Variants in ADRA1B observed in about 807,000 individuals in gnomAD.
ADRA1B encodes the protein adrenoceptor alpha 1B.
In ADRA1B, 17 loss-of-function variants were observed where a neutral mutation model predicts 17.9. That is an observed-to-expected ratio of 0.95 (90% CI 0.65 to 1.42). The LOEUF is 1.42. ADRA1B is among the 40% of genes most tolerant of loss of function. ADRA1B has a pLI of 0.00. For missense variants in ADRA1B, 681 were observed against 722.1 expected, an observed-to-expected ratio of 0.94 and a Z score of 0.65; for synonymous variants, 366 against 327.6, an observed-to-expected ratio of 1.12 and a Z score of -1.27.
At chr5:159,896,979 A>C (rs910480485) in intron 1 of ADRA1B, among the ~76,000 whole-genome samples, 1 of 152,226 alleles carries the variant, frequency 6.6e-6, no homozygotes, top group African/African-American at 2.4e-5. Flanking sequence ...AGACAATGGA[A>C]AAATAGCCTG....
At chr5:159,873,740 C>T (rs915720708) in intron 1 of ADRA1B, among the ~76,000 whole-genome samples, 5 of 152,146 alleles carry the variant, frequency 3.3e-5, no homozygotes, top group African/African-American at 1.2e-4. Flanking sequence ...GAGGTGGTTT[C>T]ACCTCCTTCC....
chr5:159,958,340 A>G (rs1755604079), intron 1 of ADRA1B, among the ~76,000 whole-genome samples: 1 of 152,158 alleles, frequency 6.6e-6, no homozygotes, highest in Non-Finnish European at 1.5e-5. Context: ...TTTTCCCACA[A>G]GCATTGAAAT....
At chr5:159,979,424 T>C in the ADRA1B span, among the ~76,000 whole-genome samples, 3 of 152,216 alleles carry the variant, frequency 2.0e-5, no homozygotes, top group East Asian at 5.8e-4. Context: ...TTTAGTACAG[T>C]ACCTGGCACA....
chr5:159,943,319 T>G (rs2113237118), intron 1 of ADRA1B, among the ~76,000 whole-genome samples: 1 of 152,344 alleles, frequency 6.6e-6, no homozygotes, highest in African/African-American at 2.4e-5. Context: ...TATTATAAAC[T>G]ACCTAACTAT....
chr5:159,922,850 C>T (rs1754526979), intron 1 of ADRA1B, among the ~76,000 whole-genome samples: 1 of 152,202 alleles, frequency 6.6e-6, no homozygotes, highest in Admixed American at 6.5e-5. Context: ...GAATTTGGCT[C>T]TAGTAGGGAA....
At position 159,972,655 on chromosome 5, in the gene ADRA1B, G is replaced by T. The variant is rs1755905201; in HGVS notation, c.*163G>T. On this transcript the variant is annotated 3_prime_UTR_variant, in exon 2 of 2. Coordinates refer to ENST00000306675, the MANE Select transcript of ADRA1B (RefSeq NM_000679.4). ...AGGGGCAGCTGCTTTTCTGGCAGGG[G>T]CATGGGTGCCAGGTACCACGCGGAA... The T allele has an allele frequency of 7.1e-6, 6 of 849,258 alleles. No individual in the cohort carries two copies. The highest frequency in any genetic ancestry group is 1.0e-5 in the Non-Finnish European group (6 of 599,620). 52.6% of individuals were successfully genotyped at this position (849,258 alleles called of 1,614,324 possible). A position where few individuals can be genotyped will look rare whatever the true frequency, so the allele number is the denominator to read the frequency against.
Position 159,923,902 on chromosome 5 carries a change from T to G in ADRA1B, c.949+6048T>G, listed in dbSNP as rs576375261. 7.2e-5 allele frequency among the ~76,000 whole-genome samples: 11 copies of G among 152,392 alleles called. No homozygotes were observed. The South Asian group carries it at 2.3e-3, about 32-fold the overall frequency. ...ATGCCTAGAAACCCCTGGAAAGCTTTGCAGAGCAAGCATCGTCATCCCTGT... is the reference window on the plus strand; with the variant it reads ...ATGCCTAGAAACCCCTGGAAAGCTTGGCAGAGCAAGCATCGTCATCCCTGT... On this transcript the variant is annotated intron_variant, in intron 1 of 1. Coordinates refer to ENST00000306675, the MANE Select transcript of ADRA1B (RefSeq NM_000679.4).
At chr5:159,946,979 G>A (rs889832686) in intron 1 of ADRA1B, among the ~76,000 whole-genome samples, 1 of 152,202 alleles carries the variant, frequency 6.6e-6, no homozygotes, top group Non-Finnish European at 1.5e-5. Context: ...AGGTGTTTCA[G>A]TACGTTATCT....
chr5:159,953,862 T>C (rs549384679), intron 1 of ADRA1B, among the ~76,000 whole-genome samples: 2 of 151,396 alleles, frequency 1.3e-5, no homozygotes, highest in South Asian at 4.2e-4. Flanking sequence ...AAATTGAGAA[T>C]GGAGCATTTA....
At chr5:159,875,412 G>C (rs1006678246) in intron 1 of ADRA1B, among the ~76,000 whole-genome samples, 2 of 152,058 alleles carry the variant, frequency 1.3e-5, no homozygotes, top group Non-Finnish European at 2.9e-5. Flanking sequence ...TAAGGACCAA[G>C]CTCAAGGAAA....
intron 1 of ADRA1B, among the ~76,000 whole-genome samples, chr5:159,877,481 A>G (rs1020762401): frequency 6.6e-6 from 1 of 151,944 alleles, no homozygotes; most frequent in Admixed American, 6.6e-5. Flanking sequence ...TAATTTCAGT[A>G]CTCCATGTTG....
At chr5:159,881,299 TTCTCTCTCTCTCTC>T (rs11471058) in intron 1 of ADRA1B, among the ~76,000 whole-genome samples, 16 of 132,068 alleles carry the variant, frequency 1.2e-4, no homozygotes, top group Admixed American at 5.2e-4. Flanking sequence ...TATCAGAAAG[TTCTCTCTCTCTCTC>T]TCTCTCTCTC....
intron 1 of ADRA1B, among the ~76,000 whole-genome samples, chr5:159,965,310 G>A (rs1332211368): frequency 6.6e-6 from 1 of 152,170 alleles, no homozygotes; most frequent in Non-Finnish European, 1.5e-5. Context: ...CATTCCATGA[G>A]CAAGGGAAGC....
In ADRA1B at chr5:159,876,409, G is replaced by A. The variant is rs79708367; in HGVS notation, c.-256+11203G>A. ...GAGAGAATGGGATTTCTCCTCCTATGTCTCTTTCTTATCCAGGAGCAAAAT... is the reference window on the plus strand; with the variant it reads ...GAGAGAATGGGATTTCTCCTCCTATATCTCTTTCTTATCCAGGAGCAAAAT... On this transcript the variant is annotated intron_variant, in intron 1 of 2. Coordinates refer to the ADRA1B transcript ENST00000641205. 6.3e-3 allele frequency among the ~76,000 whole-genome samples: 966 copies of A among 152,272 alleles called. 9 individuals carry two copies. The highest frequency in any genetic ancestry group is 0.022 in the African/African-American group (916 of 41,546).
At chr5:159,983,547 G>A in the ADRA1B span, among the ~76,000 whole-genome samples, 2 of 152,216 alleles carry the variant, frequency 1.3e-5, no homozygotes, top group South Asian at 4.1e-4. Flanking sequence ...AAGATACAGT[G>A]ATGAACAACG....
intron 1 of ADRA1B, among the ~76,000 whole-genome samples, chr5:159,904,375 AG>A (rs1754137068): frequency 6.6e-6 from 1 of 152,210 alleles, no homozygotes; most frequent in Admixed American, 6.5e-5. Flanking sequence ...CACATGAAAA[AG>A]TGTGGATAAG....
At chr5:159,986,998 C>T in the ADRA1B span, among the ~76,000 whole-genome samples, 6 of 152,196 alleles carry the variant, frequency 3.9e-5, no homozygotes, top group Non-Finnish European at 7.4e-5. Flanking sequence ...CCTTAAGGGT[C>T]CCTAGAACCC....
the ADRA1B span, among the ~76,000 whole-genome samples, chr5:159,987,827 G>T: frequency 1.3e-5 from 2 of 152,216 alleles, no homozygotes; most frequent in Non-Finnish European, 2.9e-5. Context: ...TGGACCAAGT[G>T]CCAGGCAATG....
intron 1 of ADRA1B, among the ~76,000 whole-genome samples, chr5:159,910,518 G>A (rs1754217029): frequency 6.6e-6 from 1 of 152,152 alleles, no homozygotes; most frequent in African/African-American, 2.4e-5. Context: ...AAGAGCATTA[G>A]ACTAGATGAA....
Sources: gnomAD v4.1 joint callset for allele counts (sites outside exome capture counted in the v4.1 genomes callset) on GRCh38, gnomAD v4.1.1 for gene constraint, MANE v1.5 for transcripts, NCBI Gene and HGNC (gene_info 2026-07-23, HGNC 2026-07-21) for gene names.